The following CCDC93 variants were observed in gnomAD, a reference collection of about 807,000 sequenced individuals.
CCDC93 encodes CCC complex scaffolding subunit CCDC93, also known as coiled-coil domain-containing protein 93.
A neutral mutation model predicts 108.2 loss-of-function variants in CCDC93; 61 were observed. The ratio of observed to expected loss-of-function variants is 0.56; its 90% CI spans 0.46 to 0.70. The LOEUF (loss-of-function observed/expected upper bound fraction) is 0.70. Among genes scored for constraint, CCDC93 ranks in the 30% least tolerant of loss-of-function variants. The pLI, the probability that CCDC93 is intolerant of heterozygous loss-of-function variation, is 0.00. For missense variants in CCDC93, 685 were observed against 764.2 expected, an observed-to-expected ratio of 0.90 and a Z score of 1.22; for synonymous variants, 276 against 260.4, an observed-to-expected ratio of 1.06 and a Z score of -0.58.
rs1181923702 is a variant in CCDC93 at position 117,916,179 on chromosome 2, C to T, written c.*4164G>A. 1 of 152,144 alleles carries T rather than the reference C, an allele frequency of 6.6e-6. No individual in the cohort carries two copies. Among genetic ancestry groups the T allele is most frequent in the Non-Finnish European group, 1.5e-5 (1 of 68,052 alleles). 9.4% of individuals were successfully genotyped at this position (152,144 alleles called of 1,614,324 possible). A position where few individuals can be genotyped will look rare whatever the true frequency, so the allele number is the denominator to read the frequency against. ...CCACCACCGTATCTAGTGCTGCCACCCACAGCCTTGCACTGTGGTCCCACT... is the reference window on the plus strand; with the variant it reads ...CCACCACCGTATCTAGTGCTGCCACTCACAGCCTTGCACTGTGGTCCCACT... On this transcript the variant is annotated 3_prime_UTR_variant, in exon 24 of 24. Transcript: ENST00000376300.
At chr2:117,973,445 T>C (rs1679831903) in intron 11 of CCDC93, among the ~76,000 whole-genome samples, 1 of 148,874 alleles carries the variant, frequency 6.7e-6, no homozygotes, top group African/African-American at 2.5e-5. Context: ...CTCTGAAATA[T>C]GATTTCAGGC....
rs1234480721 is a variant in CCDC93 at position 117,917,560 on chromosome 2, A to G, written c.*2783T>C. The G allele has an allele frequency of 1.3e-5, 2 of 152,346 alleles. No individual in the cohort carries two copies. The highest frequency in any genetic ancestry group is 4.8e-5 in the African/African-American group (2 of 41,428). 9.4% of individuals were successfully genotyped at this position (152,346 alleles called of 1,614,324 possible). ...CCATGAACTTCGGACTCTAACAGAG[A>G]TATGCTTGACAAACTGGGAATTTGC... On this transcript the variant is annotated 3_prime_UTR_variant, in exon 24 of 24. Transcript: ENST00000376300.
intron 20 of CCDC93, among the ~76,000 whole-genome samples, chr2:117,937,464 T>G (rs1215834153): frequency 6.6e-6 from 1 of 152,208 alleles, no homozygotes; most frequent in Non-Finnish European, 1.5e-5. Context: ...TCCTTAGTAC[T>G]CCACAGGAAG....
intron 11 of CCDC93, among the ~76,000 whole-genome samples, chr2:117,962,594 G>A (rs1182599921): frequency 6.6e-6 from 1 of 152,184 alleles, no homozygotes; most frequent in East Asian, 1.9e-4. Context: ...AGTGAGCCGA[G>A]GTCACACCAC....
In CCDC93 at chr2:117,923,279, C is replaced by G. The variant is rs190712757; in HGVS notation, c.1843-2883G>C. 1.2e-4 allele frequency among the ~76,000 whole-genome samples: 18 copies of G among 152,078 alleles called. 2 individuals are homozygous for G. The highest frequency in any genetic ancestry group is 1.1e-3 in the Admixed American group (17 of 15,274). On this transcript the variant is annotated intron_variant, in intron 23 of 23. Coordinates refer to ENST00000376300, the MANE Select transcript of CCDC93 (RefSeq NM_019044.5). ...GTCAGAAAGTGGGTGCAAGACAGCG[C>G]GTGCAGTGCACTCAGCGTTAGCCGA...
At chr2:117,932,418 A>G (rs1678371245) in intron 22 of CCDC93, among the ~76,000 whole-genome samples, 1 of 152,178 alleles carries the variant, frequency 6.6e-6, no homozygotes, top group Admixed American at 6.5e-5. Context: ...TACACAGGAC[A>G]AATGCAACTT....
rs185006418 is a variant in CCDC93, at chr2:117,916,423, A to G, written c.*3920T>C. On this transcript the variant is annotated 3_prime_UTR_variant, in exon 24 of 24. Coordinates refer to ENST00000376300, the MANE Select transcript of CCDC93 (RefSeq NM_019044.5). ...TCATCTCAAACTTCAAGGTTACAGTATAACATACTCTGAGAGAGACCCTCT... is the reference window on the plus strand; with the variant it reads ...TCATCTCAAACTTCAAGGTTACAGTGTAACATACTCTGAGAGAGACCCTCT... The G allele has an allele frequency of 1.3e-5, 2 of 152,344 alleles. No individual in the cohort carries two copies. The highest frequency in any genetic ancestry group is 6.5e-5 in the Admixed American group (1 of 15,302). 9.4% of individuals were successfully genotyped at this position (152,344 alleles called of 1,614,324 possible). A position where few individuals can be genotyped will look rare whatever the true frequency, so the allele number is the denominator to read the frequency against.
intron 23 of CCDC93, among the ~76,000 whole-genome samples, chr2:117,923,089 G>T (rs981641566): frequency 7.2e-5 from 11 of 152,118 alleles, no homozygotes; most frequent in Non-Finnish European, 1.5e-4. Flanking sequence ...CATGCTAAAT[G>T]TGAGGTGAAA....
At chr2:117,952,746 A>G (rs1488956099) in intron 12 of CCDC93, among the ~76,000 whole-genome samples, 3 of 152,238 alleles carry the variant, frequency 2.0e-5, no homozygotes, top group African/African-American at 4.8e-5. Flanking sequence ...TTATTTGACT[A>G]AAGTCCCATA....
chr2:117,986,344 A>G (rs1004258846), intron 6 of CCDC93, among the ~76,000 whole-genome samples: 13 of 152,120 alleles, frequency 8.5e-5, no homozygotes, highest in Non-Finnish European at 1.9e-4. Context: ...TGATCAATAA[A>G]TGCAGGTCTT....
rs1215487735 is a variant in CCDC93, at chr2:117,920,480, A to G, written c.1843-84T>C. The stretch of plus-strand genomic sequence containing the variant: ...CCAAGATGGTCTCAAAGCCCTTCCC[A>G]TATCCCTATGGGAGACATCTCCTGG... On this transcript the variant is annotated intron_variant, in intron 23 of 23. Coordinates refer to ENST00000376300, the MANE Select transcript of CCDC93 (RefSeq NM_019044.5). 2.4e-5 allele frequency: 22 copies of G among 928,262 alleles called. No homozygotes were observed. In the Admixed American group the frequency reaches 4.4e-4, roughly 19 times the overall value. 57.5% of individuals were successfully genotyped at this position (928,262 alleles called of 1,614,324 possible).
At position 117,986,135 on chromosome 2, in the gene CCDC93, T is replaced by A; in HGVS notation, c.520-66A>T. On this transcript the variant is annotated intron_variant, in intron 6 of 23. Transcript: ENST00000376300. ...CTCTCCTCCTGAATTGGCTGCTGGA[T>A]GCCTCCAGCCATGGGGTATATTCTC... is the stretch of plus-strand genomic sequence containing the variant. 34 of 792,888 alleles carry A rather than the reference T, an allele frequency of 4.3e-5. No individual in the cohort carries two copies. In the South Asian group the frequency reaches 5.1e-4, roughly 12 times the overall value. The allele number at this position is 792,888 out of a possible 1,614,324, so 49.1% of individuals were successfully genotyped here.
chr2:117,953,292 T>G (rs1679116155), intron 12 of CCDC93, among the ~76,000 whole-genome samples: 1 of 152,200 alleles, frequency 6.6e-6, no homozygotes. Context: ...ATTACTCCAA[T>G]CTAGCTACTA....
At chr2:117,946,393 A>G (rs749273910) in intron 16 of CCDC93, among the ~76,000 whole-genome samples, 1 of 152,166 alleles carries the variant, frequency 6.6e-6, no homozygotes, top group Non-Finnish European at 1.5e-5. Context: ...GTTAAATCCA[A>G]CACTGCTCTC....
chr2:117,922,357 A>G lies in CCDC93; in HGVS notation c.1843-1961T>C, dbSNP rs1677898743. 4.6e-5 allele frequency among the ~76,000 whole-genome samples: 7 copies of G among 152,162 alleles called. 1 individual carries two copies. Among genetic ancestry groups the G allele is most frequent in the Admixed American group, 4.6e-4 (7 of 15,286 alleles). On this transcript the variant is annotated intron_variant, in intron 23 of 23. Transcript: ENST00000376300. ...CTTTGGGTGTTTGTTTCTAGAAGAA[A>G]AGGGAAAATGTCTCATCACCTCAGT... is the stretch of plus-strand genomic sequence containing the variant.
intron 6 of CCDC93, among the ~76,000 whole-genome samples, chr2:117,988,525 A>G (rs371374850): frequency 2.0e-5 from 3 of 152,208 alleles, no homozygotes; most frequent in Non-Finnish European, 4.4e-5. Context: ...GATACTTTCC[A>G]TTGACCTTAA....
chr2:117,923,267 T>C lies in CCDC93; in HGVS notation c.1843-2871A>G, dbSNP rs534008104. On this transcript the variant is annotated intron_variant, in intron 23 of 23. Transcript: ENST00000376300. ...TCACTGGGGAGTGTCAGAAAGTGGG[T>C]GCAAGACAGCGCGTGCAGTGCACTC... is the stretch of plus-strand genomic sequence containing the variant. Among the ~76,000 whole-genome samples the C allele has an allele frequency of 7.9e-5, 12 of 152,076 alleles. No individual in the cohort carries two copies. In the East Asian group the frequency reaches 2.3e-3, roughly 30 times the overall value.
At chr2:118,003,896 C>T (rs952043242) in intron 3 of CCDC93, among the ~76,000 whole-genome samples, 5 of 152,160 alleles carry the variant, frequency 3.3e-5, no homozygotes, top group African/African-American at 1.2e-4. Flanking sequence ...TCAGCTTCTA[C>T]CTGCGGCTCT....
At chr2:117,995,136 C>T (rs1376911245) in intron 6 of CCDC93, among the ~76,000 whole-genome samples, 1 of 152,184 alleles carries the variant, frequency 6.6e-6, no homozygotes, top group East Asian at 1.9e-4. Context: ...TCATCATCTG[C>T]TCTTCAGAGC....
Sources: allele counts gnomAD v4.1 joint callset (sites outside exome capture counted in the v4.1 genomes callset), GRCh38; gene constraint gnomAD v4.1.1; transcripts MANE v1.5; gene names NCBI Gene and HGNC (gene_info 2026-07-23, HGNC 2026-07-21).